RPA3: variants seen among roughly 807,000 people sequenced by gnomAD.
RPA3 encodes replication protein A 14 kDa subunit.
Under a neutral mutation model 13.7 loss-of-function variants are expected in RPA3, and 24 were observed. The ratio of observed to expected loss-of-function variants is 1.75; its 90% confidence interval spans 1.27 to 2.46. The LOEUF (loss-of-function observed/expected upper bound fraction) is 2.46, where lower values mean the gene tolerates loss of function less well. Among genes scored for constraint, RPA3 ranks in the 30% most tolerant of loss-of-function variants. The pLI is 0.00. For synonymous variants in RPA3, 59 were observed against 51.2 expected (o/e 1.15, Z -0.65); for missense variants, 183 against 151.0 (o/e 1.21, Z -1.11).
chr7:7,693,275 T>A (rs1022771403), intron 2 of RPA3, among the ~76,000 whole-genome samples: 13 of 144,416 alleles, frequency 9.0e-5, no homozygotes. Flanking sequence ...TAAATATGAA[T>A]AGTTACTCTT....
intron 5 of RPA3, chr7:7,639,991 G>A: frequency 3.1e-6 from 1 of 318,660 alleles, no homozygotes; most frequent in Non-Finnish European, 5.9e-6. Context: ...TTTTGTCTGC[G>A]TCCGTCACGT....
chr7:7,662,186 G>A (rs1170743858), intron 4 of RPA3, among the ~76,000 whole-genome samples: 1 of 152,180 alleles, frequency 6.6e-6, no homozygotes, highest in Non-Finnish European at 1.5e-5. Flanking sequence ...TCCCAGGTCA[G>A]CTTCAGGTTG....
intron 4 of RPA3, among the ~76,000 whole-genome samples, chr7:7,651,477 T>C (rs1369977027): frequency 6.6e-6 from 1 of 152,216 alleles, no homozygotes; most frequent in Non-Finnish European, 1.5e-5. Flanking sequence ...CAGGGAACTG[T>C]CCTCTTCTGT....
intron 2 of RPA3, among the ~76,000 whole-genome samples, chr7:7,710,519 C>T (rs1230006889): frequency 1.3e-5 from 2 of 152,048 alleles, no homozygotes; most frequent in Non-Finnish European, 2.9e-5. Flanking sequence ...TCTCTACAAA[C>T]CTGTATCAGA....
intron 2 of RPA3, among the ~76,000 whole-genome samples, chr7:7,695,714 T>G (rs1780297500): frequency 6.6e-6 from 1 of 152,220 alleles, no homozygotes; most frequent in Admixed American, 6.5e-5. Context: ...CCTCAACAAC[T>G]TGTGTCCTAT....
chr7:7,667,048 A>G (rs980067470), intron 4 of RPA3, among the ~76,000 whole-genome samples: 1 of 152,152 alleles, frequency 6.6e-6, no homozygotes, highest in African/African-American at 2.4e-5. Context: ...ACCTCAGGTG[A>G]TCCACCCGCC....
intron 4 of RPA3, chr7:7,641,393 G>T (rs1237652739): frequency 2.0e-5 from 3 of 152,286 alleles, no homozygotes; most frequent in Non-Finnish European, 2.9e-5. Flanking sequence ...CCCGAGCTAG[G>T]GTTCTCCCTT....
In RPA3 at chr7:7,637,120, G is replaced by T. The variant is rs565349042; in HGVS notation, c.284-38C>A. The T allele has an allele frequency of 2.7e-5, 37 of 1,374,496 alleles. No individual in the cohort carries two copies. In the African/African-American group the frequency reaches 4.1e-4, roughly 15 times the overall value. The allele number at this position is 1,374,496 out of a possible 1,614,324, so 85.1% of individuals were successfully genotyped here. On this transcript the variant is annotated intron_variant, in intron 7 of 7. Coordinates refer to ENST00000223129, the MANE Select transcript of RPA3 (RefSeq NM_002947.5). ...TTTAAGCAAACATTTAATCTACAAT[G>T]GAAAGTTGTAACATCAATTATTATC...
intron 1 of RPA3, among the ~76,000 whole-genome samples, chr7:7,716,982 G>A (rs1450441295): frequency 2.0e-5 from 3 of 152,044 alleles, no homozygotes; most frequent in Middle Eastern, 6.8e-3. Context: ...CCCTGAACCC[G>A]GAAACCCGTT....
chr7:7,658,866 T>C (rs530584771), intron 4 of RPA3, among the ~76,000 whole-genome samples: 2 of 152,188 alleles, frequency 1.3e-5, no homozygotes, highest in Non-Finnish European at 2.9e-5. Context: ...TTTGGAATAG[T>C]TTCAGAAGGA....
At chr7:7,650,360 A>T (rs1444962704) in intron 4 of RPA3, among the ~76,000 whole-genome samples, 1 of 152,222 alleles carries the variant, frequency 6.6e-6, no homozygotes, top group African/African-American at 2.4e-5. Context: ...CGAGTTCTCA[A>T]AGCATAGTTT....
At chr7:7,691,538 C>T (rs1339161996) in intron 2 of RPA3, among the ~76,000 whole-genome samples, 2 of 152,288 alleles carry the variant, frequency 1.3e-5, no homozygotes, top group Non-Finnish European at 2.9e-5. Context: ...GATTACATTT[C>T]GAAGGAGAAG....
intron 4 of RPA3, among the ~76,000 whole-genome samples, chr7:7,674,062 G>C (rs1192997670): frequency 6.6e-6 from 1 of 152,090 alleles, no homozygotes; most frequent in Non-Finnish European, 1.5e-5. Context: ...GAAAAGTTTT[G>C]CACAACATCT....
At chr7:7,645,476 G>T (rs138480196) in intron 4 of RPA3, among the ~76,000 whole-genome samples, 1 of 152,138 alleles carries the variant, frequency 6.6e-6, no homozygotes, top group Non-Finnish European at 1.5e-5. Flanking sequence ...CATAGGCCAG[G>T]TAAGTGATGG....
At chr7:7,689,820 T>C (rs985240696) in intron 2 of RPA3, among the ~76,000 whole-genome samples, 3 of 152,198 alleles carry the variant, frequency 2.0e-5, no homozygotes, top group African/African-American at 7.2e-5. Context: ...AGAAATGTTG[T>C]GCATTTTGGA....
chr7:7,709,236 G>A (rs556255682), intron 2 of RPA3, among the ~76,000 whole-genome samples: 15 of 152,240 alleles, frequency 9.9e-5, no homozygotes, highest in African/African-American at 3.4e-4. Context: ...TGTGAATAAT[G>A]TTATGCATGG....
chr7:7,638,247 C>G (rs1784896900), intron 6 of RPA3: 2 of 303,482 alleles, frequency 6.6e-6, no homozygotes, highest in East Asian at 1.3e-4. Context: ...TCCAGCATTT[C>G]TATAAGCAGT....
At chr7:7,668,674 T>TA (rs1171084182) in intron 4 of RPA3, among the ~76,000 whole-genome samples, 1 of 152,216 alleles carries the variant, frequency 6.6e-6, no homozygotes, top group Non-Finnish European at 1.5e-5. Context: ...TTTCTGGTCC[T>TA]AAAAACATCA....
At chr7:7,663,068 C>T (rs1313244539) in intron 4 of RPA3, among the ~76,000 whole-genome samples, 1 of 152,020 alleles carries the variant, frequency 6.6e-6, no homozygotes, top group South Asian at 2.1e-4. Flanking sequence ...TAACCCAGCA[C>T]AGGCACCCAA....
Sources: allele counts gnomAD v4.1 joint callset (sites outside exome capture counted in the v4.1 genomes callset), GRCh38; gene constraint gnomAD v4.1.1; transcripts MANE v1.5; gene names NCBI Gene and HGNC (gene_info 2026-07-23, HGNC 2026-07-21).